ZNF14: variants seen among roughly 807,000 people sequenced by gnomAD.
ZNF14 encodes gonadotropin inducible transcription repressor-4.
In ZNF14, 9 loss-of-function variants were observed where a neutral mutation model predicts 11.3. The ratio of observed to expected loss-of-function variants is 0.80; its 90% CI spans 0.48 to 1.39. The LOEUF (loss-of-function observed/expected upper bound fraction) is 1.39, where lower values mean the gene tolerates loss of function less well. ZNF14 is among the 40% of genes most tolerant of loss of function. The probability of loss-of-function intolerance (pLI) is 0.00; values close to 1 mark genes in which losing one functional copy is unlikely to be tolerated. For missense variants in ZNF14, 711 were observed against 763.9 expected (o/e 0.93, Z 0.82); for synonymous variants, 239 against 245.7 (o/e 0.97, Z 0.25).
intron 1 of ZNF14, among the ~76,000 whole-genome samples, chr19:19,719,433 G>A (rs1197116006): frequency 6.6e-6 from 1 of 152,198 alleles, no homozygotes; most frequent in Non-Finnish European, 1.5e-5. Context: ...TGGTAGCAAT[G>A]TTACAAAGGA....
chr19:19,713,971 A>G, intron 3 of ZNF14, 120 bp downstream of exon 3: 1 of 951,256 alleles, frequency 1.1e-6, no homozygotes, highest in Non-Finnish European at 1.6e-6. Context: ...TGTTTTTAAG[A>G]AAACATTTTC....
At position 19,712,496 on chromosome 19, in the gene ZNF14, C is replaced by T; in HGVS notation, c.785G>A (p.Cys262Tyr). The change falls in exon 4 of 4, where the codon TGT (cysteine) becomes TAT (tyrosine). Residue 262 changes from cysteine to tyrosine, a missense_variant. By Grantham distance (194) the Cys-to-Tyr change is radical (BLOSUM62 -2). Transcript: ENST00000344099. Reference sequence around the variant, plus strand: ...TTCATGAGTTCGAAAGTATGTGGGACAACTGAAAGCCTTACCACATTGCTT... The same window carrying T: ...TTCATGAGTTCGAAAGTATGTGGGATAACTGAAAGCCTTACCACATTGCTT... ...ECKQCGKAFSCPTYFRTHERT... is the reference protein window; with the variant it reads ...ECKQCGKAFSYPTYFRTHERT... 6.4e-7 allele frequency: 1 copy of T among 1,557,430 alleles called. No individual in the cohort carries two copies. Among genetic ancestry groups the T allele is most frequent in the Non-Finnish European group, 8.8e-7 (1 of 1,141,870 alleles).
intron 1 of ZNF14, among the ~76,000 whole-genome samples, chr19:19,723,700 A>G (rs2062399335): frequency 1.5e-5 from 2 of 132,520 alleles, no homozygotes; most frequent in African/African-American, 5.6e-5. Flanking sequence ...CTGGCTGTGA[A>G]TCCATCTGGT....
At chr19:19,723,220 T>C (rs2062397854) in intron 1 of ZNF14, among the ~76,000 whole-genome samples, 1 of 152,240 alleles carries the variant, frequency 6.6e-6, no homozygotes, top group Non-Finnish European at 1.5e-5. Flanking sequence ...GGGTTTGTCA[T>C]AGATAGCTCT....
At chr19:19,719,857 G>C (rs1296186588) in intron 1 of ZNF14, among the ~76,000 whole-genome samples, 3 of 152,062 alleles carry the variant, frequency 2.0e-5, no homozygotes, top group Non-Finnish European at 4.4e-5. Flanking sequence ...TAAATATACA[G>C]TTATAGATAC....
At chr19:19,722,805 C>T (rs1362209625) in intron 1 of ZNF14, among the ~76,000 whole-genome samples, 1 of 152,132 alleles carries the variant, frequency 6.6e-6, no homozygotes. Context: ...TCCTTCACAT[C>T]CCTTGTAAGT....
chr19:19,713,016 T>C lies in ZNF14; in HGVS notation c.265A>G (p.Asn89Asp), dbSNP rs201045078. 25 of 1,614,110 alleles carry C rather than the reference T, an allele frequency of 1.5e-5. No individual in the cohort carries two copies. In the East Asian group the frequency reaches 4.0e-4, roughly 26 times the overall value. The stretch of plus-strand genomic sequence containing the variant: ...AAAGTTTCCTTGTTGATATTAACAT[T>C]TGGCATCTGGCTAGTGGTTTCTCCA... The part of the protein sequence containing the change: ...KCGETTSQMP[N>D]VNINKETFTG... Residue 89 changes from asparagine to aspartate, a missense_variant, in exon 4 of 4, where the codon AAT becomes GAT. Physicochemically the swap from Asn to Asp is conservative, Grantham distance 23. Coordinates refer to ENST00000344099, the MANE Select transcript of ZNF14 (RefSeq NM_021030.3).
chr19:19,720,515 G>A lies in ZNF14; in HGVS notation c.4-6028C>T, dbSNP rs898212966. Among the ~76,000 whole-genome samples, 3 of 151,782 alleles carry A rather than the reference G, an allele frequency of 2.0e-5. No individual in the cohort carries two copies. The South Asian group carries it at 6.2e-4, about 32-fold the overall frequency. ...GCCACCATGCCTGGCTAATTTTTTT[G>A]TATTTTTAGTAGAGACGGGGTTTCG... On this transcript the variant is annotated intron_variant, in intron 1 of 3. Transcript: ENST00000344099. This position sits in a 1 kb window ranked among gnomAD's most constrained non-coding sequence, Gnocchi z 4.1.
rs1236579975 is a variant in ZNF14 at position 19,720,382 on chromosome 19, C to T, written c.4-5895G>A. On this transcript the variant is annotated intron_variant, in intron 1 of 3. Transcript: ENST00000344099. The surrounding 1 kb of genome is among the most constrained non-coding windows in gnomAD (Gnocchi z 4.1). ...TGAGATGGAGTCTCGCTCTTGTTGCCCAGGCTGGAGTGCAATGACACAACC... is the reference window on the plus strand; with the variant it reads ...TGAGATGGAGTCTCGCTCTTGTTGCTCAGGCTGGAGTGCAATGACACAACC... 6.6e-6 allele frequency among the ~76,000 whole-genome samples: 1 copy of T among 151,188 alleles called. No individual in the cohort carries two copies. Among genetic ancestry groups the T allele is most frequent in the African/African-American group, 2.4e-5 (1 of 41,134 alleles).
rs758154734 is a variant in ZNF14 at position 19,711,796 on chromosome 19, T to C, written c.1485A>G (p.Arg495=). ...CATAGGGTTTCTCTCCAGTGTGTGT[T>C]CTTTCATGCAGTCGAAAGGAACTGG... is the stretch of plus-strand genomic sequence containing the variant. ...IRSSSFRLHE[R]THTGEKPYEC... The change falls in exon 4 of 4, where the codon AGA becomes AGG. Residue 495 remains arginine (R), a synonymous_variant. Coordinates refer to ENST00000344099, the MANE Select transcript of ZNF14 (RefSeq NM_021030.3). The C allele has an allele frequency of 4.2e-5, 67 of 1,613,076 alleles. No individual in the cohort carries two copies. The highest frequency in any genetic ancestry group is 5.7e-5 in the Non-Finnish European group (67 of 1,179,422).
chr19:19,724,219 C>T lies in ZNF14; in HGVS notation c.3+8737G>A, dbSNP rs12977653. Among the ~76,000 whole-genome samples, 43 of 130,766 alleles carry T rather than the reference C, an allele frequency of 3.3e-4. 9 individuals carry two copies. Among genetic ancestry groups the T allele is most frequent in the African/African-American group, 1.1e-3 (40 of 35,820 alleles). 85.8% of individuals were successfully genotyped at this position (130,766 alleles called of 152,430 possible). ...TTCCTGCTTTCTCTTGTGGGCATTT[C>T]GTGCTATAAATTTCCCTCTACACGC... On this transcript the variant is annotated intron_variant, in intron 1 of 3. Coordinates refer to ENST00000344099, the MANE Select transcript of ZNF14 (RefSeq NM_021030.3).
chr19:19,724,610 G>C lies in ZNF14; in HGVS notation c.3+8346C>G, dbSNP rs1487663342. Among the ~76,000 whole-genome samples, 4 of 133,588 alleles carry C rather than the reference G, an allele frequency of 3.0e-5. 2 individuals are homozygous for C. Among genetic ancestry groups the C allele is most frequent in the Non-Finnish European group, 6.6e-5 (4 of 60,166 alleles). 87.6% of individuals were successfully genotyped at this position (133,588 alleles called of 152,430 possible). ...ATGTCTATTAGGTCTGCTTGGTGCA[G>C]AGCTGAGTTCAATTCCTAGATATCT... On this transcript the variant is annotated intron_variant, in intron 1 of 3. Coordinates refer to ENST00000344099, the MANE Select transcript of ZNF14 (RefSeq NM_021030.3).
In ZNF14 at chr19:19,733,025, G is replaced by A. The variant is rs556681245; in HGVS notation, c.-67C>T. The A allele has an allele frequency of 1.2e-5, 19 of 1,593,546 alleles. No individual in the cohort carries two copies. In the Admixed American group the frequency reaches 1.9e-4, roughly 16 times the overall value. On this transcript the variant is annotated 5_prime_UTR_variant, in exon 1 of 4. Transcript: ENST00000344099. ...TGTCAGTACCTGCAGGTCACGGCGC[G>A]ACAAAGGATGCGCTAGAGCCACCTT...
intron 1 of ZNF14, among the ~76,000 whole-genome samples, chr19:19,731,349 C>T (rs1325754492): frequency 6.6e-6 from 1 of 151,896 alleles, no homozygotes; most frequent in Non-Finnish European, 1.5e-5. Context: ...TTGAGGCAGG[C>T]AGACCACCTG....
chr19:19,712,884 A>G lies in ZNF14; in HGVS notation c.397T>C (p.Tyr133His), dbSNP rs1389229630. Reference protein sequence around the residue: ...RSHTGQKPNEYQEYEKQPCKC... With the variant: ...RSHTGQKPNEHQEYEKQPCKC... ...CATGGTTGCTTTTCATATTCCTGAT[A>G]CTCATTTGGTTTCTGTCCAGTGTGA... Residue 133 changes from tyrosine to histidine, a missense_variant, in exon 4 of 4, where the codon TAT becomes CAT. Physicochemically the swap from Tyr to His is moderately conservative, Grantham distance 83. Transcript: ENST00000344099. The G allele has an allele frequency of 6.2e-7, 1 of 1,614,084 alleles. No individual in the cohort carries two copies. Among genetic ancestry groups the G allele is most frequent in the East Asian group, 2.2e-5 (1 of 44,862 alleles).
rs1342484216 is a variant in ZNF14, at chr19:19,712,680, G to A, written c.601C>T (p.Gln201Ter). The change falls in exon 4 of 4, where the codon CAA becomes TAA. Residue 201 changes from glutamine (Q) to a stop codon, truncating the protein, a stop_gained. Transcript: ENST00000344099. LOFTEE classifies it low-confidence loss of function (END_TRUNC). Reference sequence around the variant, plus strand: ...TAATATATAAAGGTTTTTCCACATTGCTTACATTCATAGGGTTTCTGTCCA... The same window carrying A: ...TAATATATAAAGGTTTTTCCACATTACTTACATTCATAGGGTTTCTGTCCA... ...HAGQKPYECK[Q>*]CGKTFIYYQS... The A allele has an allele frequency of 6.2e-7, 1 of 1,613,722 alleles. No individual in the cohort carries two copies. The highest frequency in any genetic ancestry group is 8.5e-7 in the Non-Finnish European group (1 of 1,179,916).
At chr19:19,730,852 C>T (rs895595703) in intron 1 of ZNF14, among the ~76,000 whole-genome samples, 8 of 152,144 alleles carry the variant, frequency 5.3e-5, no homozygotes, top group African/African-American at 1.4e-4. Flanking sequence ...GCGGAGGTTG[C>T]GGTGAGCCGA....
In ZNF14 at chr19:19,711,216, G is replaced by A. The variant is rs949304296; in HGVS notation, c.*136C>T. On this transcript the variant is annotated 3_prime_UTR_variant, in exon 4 of 4. Transcript: ENST00000344099. ...GTTTCTCACCAGTGGGAATTCTTTCGTGCTCAAAAGAAACTGGAACAATTA... is the reference window on the plus strand; with the variant it reads ...GTTTCTCACCAGTGGGAATTCTTTCATGCTCAAAAGAAACTGGAACAATTA... The A allele has an allele frequency of 5.1e-5, 49 of 967,816 alleles. No homozygotes were observed. Among genetic ancestry groups the A allele is most frequent in the South Asian group, 1.4e-4 (6 of 43,654 alleles). The allele number at this position is 967,816 out of a possible 1,614,324, so 60.0% of individuals were successfully genotyped here.
chr19:19,717,397 G>A lies in ZNF14; in HGVS notation c.4-2910C>T, dbSNP rs369027319. On this transcript the variant is annotated intron_variant, in intron 1 of 3. Transcript: ENST00000344099. ...TGCCATCCTCACAGCACCTCAATAT[G>A]TTCACCAACATGGAAGTTCTCAGAA... Among the ~76,000 whole-genome samples, 62 of 152,264 alleles carry A rather than the reference G, an allele frequency of 4.1e-4. 1 individual carries two copies. In the East Asian group the frequency reaches 7.7e-3, roughly 19 times the overall value.
Sources: allele counts gnomAD v4.1 joint callset (sites outside exome capture counted in the v4.1 genomes callset), GRCh38; gene constraint gnomAD v4.1.1; non-coding constraint Gnocchi (gnomAD v3.1); transcripts MANE v1.5; gene names NCBI Gene and HGNC (gene_info 2026-07-23, HGNC 2026-07-21).